The following YWHAG variants were observed in gnomAD, a reference collection of about 807,000 sequenced individuals.
The protein encoded by YWHAG is tyrosine 3-monooxygenase/tryptophan 5-monooxygenase activation protein gamma, also known as 14-3-3 protein gamma.
A neutral mutation model predicts 23.3 loss-of-function variants in YWHAG; 1 was observed. The observed-to-expected ratio is 0.04, with a 90% CI of 0.02 to 0.20. YWHAG has a LOEUF of 0.20. Ranked by LOEUF, YWHAG falls within the 10% of genes least tolerant of loss-of-function variation. The probability of loss-of-function intolerance (pLI) is 1.00; values close to 1 mark genes in which losing one functional copy is unlikely to be tolerated. For synonymous variants in YWHAG, 160 were observed against 144.0 expected (o/e 1.11, Z -0.80); for missense variants, 151 against 338.6 (o/e 0.45, Z 4.35).
At chr7:76,347,752 T>C (rs756343354) in intron 1 of YWHAG, among the ~76,000 whole-genome samples, 2 of 152,254 alleles carry the variant, frequency 1.3e-5, no homozygotes, top group Non-Finnish European at 2.9e-5. Context: ...ATTCTGGTTT[T>C]TACTTGCTAT....
chr7:76,358,109 T>G (rs1275982254), intron 1 of YWHAG, among the ~76,000 whole-genome samples: 1 of 152,202 alleles, frequency 6.6e-6, no homozygotes, highest in East Asian at 1.9e-4. Context: ...AAGAGCCTTT[T>G]GTTAAGAAAA....
At chr7:76,330,515 T>C (rs1039595471) in intron 1 of YWHAG, among the ~76,000 whole-genome samples, 3 of 152,138 alleles carry the variant, frequency 2.0e-5, no homozygotes, top group Non-Finnish European at 2.9e-5. Context: ...GTCTAGGCCT[T>C]AGATGAGAGA....
At chr7:76,352,001 A>G (rs1002266178) in intron 1 of YWHAG, among the ~76,000 whole-genome samples, 1 of 152,272 alleles carries the variant, frequency 6.6e-6, no homozygotes, top group South Asian at 2.1e-4. Context: ...CCCTCACATT[A>G]TAACATACTG....
rs1213506825 is a variant in YWHAG, at chr7:76,327,666, CT to C, written c.*1910del. 5.5e-5 allele frequency: 3 copies of C among 54,746 alleles called. No individual in the cohort carries two copies. The highest frequency in any genetic ancestry group is 1.7e-4 in the African/African-American group (2 of 11,774). The allele number at this position is 54,746 out of a possible 1,614,324, so 3.4% of individuals were successfully genotyped here. On this transcript the variant is annotated 3_prime_UTR_variant, in exon 2 of 2. Coordinates refer to ENST00000307630, the MANE Select transcript of YWHAG (RefSeq NM_012479.4). Reference sequence around the variant, plus strand: ...TAAATTAGGGAAAGCCCCACCTACCCTGCCCCCCCCCCCCTCCCCCCCCAAA... The same window carrying C: ...TAAATTAGGGAAAGCCCCACCTACCCGCCCCCCCCCCCCTCCCCCCCCAAA...
At chr7:76,349,428 C>G (rs1803839389) in intron 1 of YWHAG, among the ~76,000 whole-genome samples, 1 of 126,806 alleles carries the variant, frequency 7.9e-6, no homozygotes, top group South Asian at 2.7e-4. Flanking sequence ...TACACACACA[C>G]ACACACACAC....
At chr7:76,344,680 G>C (rs1156657730) in intron 1 of YWHAG, among the ~76,000 whole-genome samples, 2 of 152,116 alleles carry the variant, frequency 1.3e-5, no homozygotes, top group African/African-American at 4.8e-5. Flanking sequence ...TCTGTGTCCA[G>C]ACCTCTACCA....
In YWHAG at chr7:76,356,570, A is replaced by G. The variant is rs553376075; in HGVS notation, c.87+2152T>C. Among the ~76,000 whole-genome samples, 3 of 152,328 alleles carry G rather than the reference A, an allele frequency of 2.0e-5. No individual in the cohort carries two copies. In the South Asian group the frequency reaches 6.2e-4, roughly 32 times the overall value. On this transcript the variant is annotated intron_variant, in intron 1 of 1. Transcript: ENST00000307630. ...AAACCTGCCAAATTAATTATCTGCAATAAACACAAGTATACATCCCATCTG... is the reference window on the plus strand; with the variant it reads ...AAACCTGCCAAATTAATTATCTGCAGTAAACACAAGTATACATCCCATCTG...
intron 1 of YWHAG, among the ~76,000 whole-genome samples, chr7:76,339,946 A>G (rs1803667027): frequency 6.6e-6 from 1 of 151,816 alleles, no homozygotes; most frequent in Non-Finnish European, 1.5e-5. Context: ...AAAATTAGCC[A>G]GGTGTGGTGG....
rs186913497 is a variant in YWHAG at position 76,328,735 on chromosome 7, T to C, written c.*842A>G. ...GAATTTTCTCTATTTTTGTGGCGTT[T>C]CACGTTTCTCTCAAGAGGATTAATA... On this transcript the variant is annotated 3_prime_UTR_variant, in exon 2 of 2. Coordinates refer to ENST00000307630, the MANE Select transcript of YWHAG (RefSeq NM_012479.4). 1 of 152,146 alleles carries C rather than the reference T, an allele frequency of 6.6e-6. No individual in the cohort carries two copies. Among genetic ancestry groups the C allele is most frequent in the East Asian group, 1.9e-4 (1 of 5,180 alleles). 9.4% of individuals were successfully genotyped at this position (152,146 alleles called of 1,614,324 possible). A position where few individuals can be genotyped will look rare whatever the true frequency, so the allele number is the denominator to read the frequency against.
chr7:76,346,363 T>C (rs1300319959), intron 1 of YWHAG, among the ~76,000 whole-genome samples: 2 of 152,216 alleles, frequency 1.3e-5, no homozygotes, highest in Admixed American at 1.3e-4. Flanking sequence ...CCAACACACA[T>C]GGATACAAAG....
At chr7:76,332,767 C>T (rs1024829915) in intron 1 of YWHAG, among the ~76,000 whole-genome samples, 3 of 151,094 alleles carry the variant, frequency 2.0e-5, no homozygotes, top group African/African-American at 7.3e-5. Context: ...AGTGCAATGG[C>T]ATGATGTCGG....
chr7:76,332,052 T>G (rs1312289351), intron 1 of YWHAG, among the ~76,000 whole-genome samples: 1 of 152,198 alleles, frequency 6.6e-6, no homozygotes, highest in Non-Finnish European at 1.5e-5. Flanking sequence ...ATTAGTGGTG[T>G]TGTTAAAGTT....
chr7:76,351,434 A>G (rs371554356), intron 1 of YWHAG, among the ~76,000 whole-genome samples: 2 of 152,102 alleles, frequency 1.3e-5, no homozygotes, highest in Non-Finnish European at 2.9e-5. Context: ...CTTAACCTCT[A>G]TTACACAGAT....
intron 1 of YWHAG, among the ~76,000 whole-genome samples, chr7:76,340,942 T>C (rs1398801075): frequency 1.3e-5 from 2 of 152,306 alleles, no homozygotes; most frequent in South Asian, 4.1e-4. Flanking sequence ...AGTAGTATGA[T>C]CAGGGCCCAC....
chr7:76,348,407 CACCAT>C (rs1432658492), intron 1 of YWHAG, among the ~76,000 whole-genome samples: 8 of 150,748 alleles, frequency 5.3e-5, no homozygotes, highest in Non-Finnish European at 1.2e-4. Flanking sequence ...AGGCGCACGC[CACCAT>C]GCCCGCTAAT....
chr7:76,329,493 T>TCCCCCCCCCCC lies in YWHAG; in HGVS notation c.*83_*84insGGGGGGGGGGG. On this transcript the variant is annotated 3_prime_UTR_variant, in exon 2 of 2. Transcript: ENST00000307630. The surrounding 1 kb of genome is among the most constrained non-coding windows in gnomAD (Gnocchi z 6.1). ...TGGGAAGGTCATCCCTCCCTTTCCC[T>TCCCCCCCCCCC]CCCCCACCCGACCCCCAACTCATGG... The TCCCCCCCCCCC allele has an allele frequency of 4.6e-6, 2 of 437,458 alleles. No individual in the cohort carries two copies. Among genetic ancestry groups the TCCCCCCCCCCC allele is most frequent in the Non-Finnish European group, 8.5e-6 (2 of 235,768 alleles). 27.1% of individuals were successfully genotyped at this position (437,458 alleles called of 1,614,324 possible). A position where few individuals can be genotyped will look rare whatever the true frequency, so the allele number is the denominator to read the frequency against.
chr7:76,340,802 ATGTTT>A (rs1803681290), intron 1 of YWHAG, among the ~76,000 whole-genome samples: 1 of 152,192 alleles, frequency 6.6e-6, no homozygotes. Flanking sequence ...GTTTCTCAAA[ATGTTT>A]TGTTAGCAGC....
intron 1 of YWHAG, among the ~76,000 whole-genome samples, chr7:76,333,178 C>G (rs1803570453): frequency 6.6e-6 from 1 of 152,184 alleles, no homozygotes; most frequent in Admixed American, 6.5e-5. Flanking sequence ...CCATGTTGCC[C>G]AGGCTGGCCT....
intron 1 of YWHAG, among the ~76,000 whole-genome samples, chr7:76,341,331 G>A (rs897530438): frequency 6.0e-4 from 90 of 149,908 alleles, no homozygotes; most frequent in African/African-American, 2.1e-3. Context: ...TTGAACCCAG[G>A]AGGCGGAGGC....
Sources: allele counts gnomAD v4.1 joint callset (sites outside exome capture counted in the v4.1 genomes callset), GRCh38; gene constraint gnomAD v4.1.1; non-coding constraint Gnocchi (gnomAD v3.1); transcripts MANE v1.5; gene names NCBI Gene and HGNC (gene_info 2026-07-23, HGNC 2026-07-21).